Variants in FIRRM observed in about 807,000 individuals in gnomAD.
The protein encoded by FIRRM is FIGNL1-interacting regulator of recombination and mitosis.
chr1:169,852,930 G>A, the FIRRM span: 2 of 1,614,126 alleles, frequency 1.2e-6, no homozygotes, highest in Admixed American at 3.3e-5. Context: ...CAATGGAAAT[G>A]GAGGCGCTCC....
chr1:169,784,993 G>T, the FIRRM span: 2 of 152,236 alleles, frequency 1.3e-5, no homozygotes, highest in Admixed American at 6.5e-5. Flanking sequence ...TAGTCTGCCA[G>T]TATTGGAGAA....
At chr1:169,809,577 C>T in the FIRRM span, among the ~76,000 whole-genome samples, 1 of 152,152 alleles carries the variant, frequency 6.6e-6, no homozygotes, top group Non-Finnish European at 1.5e-5. Context: ...AGTATGGGGG[C>T]TGCTTAGCCA....
chr1:169,828,731 T>C, the FIRRM span, among the ~76,000 whole-genome samples: 1 of 152,104 alleles, frequency 6.6e-6, no homozygotes, highest in Non-Finnish European at 1.5e-5. Flanking sequence ...AAATTTTTTC[T>C]AGGGATAAGG....
the FIRRM span, chr1:169,836,831 C>G: frequency 1.2e-6 from 1 of 846,634 alleles, no homozygotes; most frequent in Non-Finnish European, 1.8e-6. Flanking sequence ...AAAGCTTTCT[C>G]GAAATATTAA....
At chr1:169,853,965 A>G in the FIRRM span, 3 of 652,304 alleles carry the variant, frequency 4.6e-6, no homozygotes, top group Non-Finnish European at 2.6e-6. Flanking sequence ...ACTGGAAAAT[A>G]GCTTTTCAAA....
the FIRRM span, among the ~76,000 whole-genome samples, chr1:169,785,651 T>C: frequency 6.6e-6 from 1 of 152,078 alleles, no homozygotes; most frequent in Admixed American, 6.5e-5. Context: ...TGCCTGTCTC[T>C]CTCTGGAGCC....
At chr1:169,829,137 T>G in the FIRRM span, 63 of 769,222 alleles carry the variant, frequency 8.2e-5, no homozygotes, top group South Asian at 1.5e-3. Context: ...TGTTGGAAAC[T>G]ATTGCTGATT....
chr1:169,798,054 A>G, the FIRRM span, among the ~76,000 whole-genome samples: 2 of 116,130 alleles, frequency 1.7e-5, no homozygotes, highest in African/African-American at 3.2e-5. Flanking sequence ...ATAGAAGGTG[A>G]TGAGTGACTT....
At chr1:169,803,408 A>G in the FIRRM span, 1 of 1,144,772 alleles carries the variant, frequency 8.7e-7, no homozygotes, top group Non-Finnish European at 1.2e-6. Flanking sequence ...TTTAGTCTAT[A>G]TTATTGAAAT....
the FIRRM span, chr1:169,832,352 CTTCTTGTAAAAA>C: frequency 8.8e-7 from 1 of 1,130,076 alleles, no homozygotes; most frequent in Non-Finnish European, 1.3e-6. Context: ...GGCATATTCT[CTTCTTGTAAAAA>C]TTCTGATTCT....
the FIRRM span, among the ~76,000 whole-genome samples, chr1:169,813,725 T>C: frequency 4.6e-5 from 7 of 152,210 alleles, no homozygotes; most frequent in African/African-American, 1.4e-4. Flanking sequence ...ATATTACATA[T>C]AGCTCTTCAA....
At chr1:169,830,942 G>A in the FIRRM span, among the ~76,000 whole-genome samples, 1 of 152,274 alleles carries the variant, frequency 6.6e-6, no homozygotes, top group African/African-American at 2.4e-5. Flanking sequence ...AACTGGGAAT[G>A]TTTTCTCATA....
chr1:169,812,570 C>T, the FIRRM span, among the ~76,000 whole-genome samples: 3 of 151,984 alleles, frequency 2.0e-5, no homozygotes, highest in Admixed American at 6.6e-5. Flanking sequence ...TCAAAATAAT[C>T]GAAAAGGCTG....
the FIRRM span, among the ~76,000 whole-genome samples, chr1:169,835,950 A>G: frequency 3.3e-5 from 5 of 152,182 alleles, no homozygotes; most frequent in African/African-American, 9.6e-5. Context: ...GCAGATAGCC[A>G]CATGATTTCT....
the FIRRM span, among the ~76,000 whole-genome samples, chr1:169,784,236 G>A: frequency 6.6e-6 from 1 of 152,124 alleles, no homozygotes; most frequent in African/African-American, 2.4e-5. Flanking sequence ...CAAATGTAGG[G>A]TGCAGCAAGG....
At chr1:169,841,869 A>T in the FIRRM span, among the ~76,000 whole-genome samples, 2 of 152,272 alleles carry the variant, frequency 1.3e-5, no homozygotes, top group South Asian at 4.1e-4. Flanking sequence ...TTGGGTTACC[A>T]ACATTTCACC....
At chr1:169,829,232 G>A in the FIRRM span, 10 of 1,480,820 alleles carry the variant, frequency 6.8e-6, no homozygotes, top group African/African-American at 1.4e-5. Flanking sequence ...TGTTATTAAT[G>A]TTGGGTTCAA....
chr1:169,830,619 A>T, the FIRRM span: 6 of 1,356,832 alleles, frequency 4.4e-6, no homozygotes, highest in South Asian at 6.0e-5. Context: ...CAGAATATTT[A>T]GTGCTTTATG....
the FIRRM span, chr1:169,803,291 C>A: frequency 6.2e-7 from 1 of 1,613,654 alleles, no homozygotes; most frequent in Non-Finnish European, 8.5e-7. Context: ...TAATTAAAAG[C>A]ACATTTGTGC....
Sources: allele counts gnomAD v4.1 joint callset (sites outside exome capture counted in the v4.1 genomes callset), GRCh38; gene constraint gnomAD v4.1.1; transcripts MANE v1.5; gene names NCBI Gene and HGNC (gene_info 2026-07-23, HGNC 2026-07-21).